Variants in NBAS observed in about 807,000 individuals in gnomAD.
NBAS encodes the protein NAG/BC035112 fusion.
In NBAS, 219 loss-of-function variants were observed where a neutral mutation model predicts 302.5. That is an observed-to-expected ratio of 0.72 (90% confidence interval 0.65 to 0.81). NBAS has a LOEUF of 0.81. Ranked by LOEUF, NBAS falls within the 30% of genes least tolerant of loss-of-function variation. The pLI is 0.00. For synonymous variants in NBAS, 1,118 were observed against 1,021.6 expected, an observed-to-expected ratio of 1.09 and a Z score of -1.80; for missense variants, 2,932 against 2,841.6, an observed-to-expected ratio of 1.03 and a Z score of -0.72.
At chr2:15,481,791 A>G (rs1333222827) in intron 12 of NBAS, among the ~76,000 whole-genome samples, 1 of 152,154 alleles carries the variant, frequency 6.6e-6, no homozygotes, top group Non-Finnish European at 1.5e-5. Flanking sequence ...TCCTGTCTCA[A>G]GCCCCTCCTT....
At chr2:14,785,867 T>C in the NBAS span, among the ~76,000 whole-genome samples, 2 of 152,210 alleles carry the variant, frequency 1.3e-5, no homozygotes, top group Non-Finnish European at 2.9e-5. Context: ...CCTCTTTTTC[T>C]ATTGATTGGA....
chr2:15,325,924 A>G (rs1216017618), intron 38 of NBAS, among the ~76,000 whole-genome samples: 1 of 152,142 alleles, frequency 6.6e-6, no homozygotes, highest in African/African-American at 2.4e-5. Flanking sequence ...TTTATAGGCC[A>G]TTATAGGGTT....
At chr2:14,847,509 C>CAAAAAA in the NBAS span, among the ~76,000 whole-genome samples, 1 of 118,606 alleles carries the variant, frequency 8.4e-6, no homozygotes. Flanking sequence ...ACATAGATTT[C>CAAAAAA]AAAAAAAAAA....
the NBAS span, among the ~76,000 whole-genome samples, chr2:15,067,741 A>T: frequency 6.6e-6 from 1 of 152,176 alleles, no homozygotes; most frequent in Non-Finnish European, 1.5e-5. Context: ...AAGTTTAGAG[A>T]TCTGCTGTCC....
At chr2:15,413,599 C>T (rs139104307) in intron 25 of NBAS, among the ~76,000 whole-genome samples, 205 of 152,280 alleles carry the variant, frequency 1.3e-3, no homozygotes, top group Non-Finnish European at 2.3e-3. Context: ...GTGAAACAGA[C>T]AGCGGAGGAG....
the NBAS span, among the ~76,000 whole-genome samples, chr2:14,794,107 G>C: frequency 1.3e-3 from 204 of 152,270 alleles, 1 homozygote; most frequent in African/African-American, 4.6e-3. Context: ...TAGTATATCA[G>C]GAAGGAAGCC....
chr2:15,335,110 G>A (rs1672519112), intron 35 of NBAS, among the ~76,000 whole-genome samples: 1 of 150,986 alleles, frequency 6.6e-6, no homozygotes, highest in Non-Finnish European at 1.5e-5. Flanking sequence ...GTCAAAGTGG[G>A]AGGACGGCTT....
the NBAS span, among the ~76,000 whole-genome samples, chr2:15,155,137 G>A: frequency 6.6e-6 from 1 of 152,212 alleles, no homozygotes; most frequent in African/African-American, 2.4e-5. Context: ...CTAAAGGATA[G>A]AGCAAGTCCT....
At chr2:15,053,196 G>A in the NBAS span, among the ~76,000 whole-genome samples, 4 of 152,136 alleles carry the variant, frequency 2.6e-5, no homozygotes, top group African/African-American at 9.7e-5. Context: ...AAGGTACATT[G>A]ATTTTAAAAT....
the NBAS span, among the ~76,000 whole-genome samples, chr2:14,888,768 A>G: frequency 2.6e-5 from 4 of 152,214 alleles, no homozygotes; most frequent in African/African-American, 9.6e-5. Flanking sequence ...TAAGTCAGAT[A>G]GATGCAGCTG....
At chr2:15,047,600 G>GCTGGGCCCATGCAGGTAAAA in the NBAS span, among the ~76,000 whole-genome samples, 1 of 151,706 alleles carries the variant, frequency 6.6e-6, no homozygotes, top group African/African-American at 2.4e-5. Flanking sequence ...GCAGGTAAAA[G>GCTGGGCCCATGCAGGTAAAA]CTGGACCCAT....
chr2:15,375,636 T>C (rs1381225061), intron 30 of NBAS, among the ~76,000 whole-genome samples: 1 of 152,212 alleles, frequency 6.6e-6, no homozygotes, highest in African/African-American at 2.4e-5. Flanking sequence ...AAATTGTAAA[T>C]GTACTTTTTT....
intron 9 of NBAS, among the ~76,000 whole-genome samples, chr2:15,514,792 T>C (rs1007350904): frequency 2.6e-5 from 4 of 152,158 alleles, no homozygotes; most frequent in African/African-American, 9.7e-5. Flanking sequence ...TAATCCAGAT[T>C]TTTTATGTCC....
At chr2:15,308,978 C>T (rs1465079902) in intron 39 of NBAS, among the ~76,000 whole-genome samples, 193 bp downstream of exon 39, 1 of 151,838 alleles carries the variant, frequency 6.6e-6, no homozygotes, top group African/African-American at 2.4e-5. Context: ...ATGTAACTAA[C>T]CTGCACATTG....
intron 11 of NBAS, among the ~76,000 whole-genome samples, chr2:15,490,481 T>A (rs1211983868): frequency 6.6e-6 from 1 of 152,096 alleles, no homozygotes; most frequent in African/African-American, 2.4e-5. Context: ...ATCTATCACA[T>A]CCCTTCCTCT....
the NBAS span, among the ~76,000 whole-genome samples, chr2:15,090,581 G>C: frequency 2.0e-5 from 3 of 152,116 alleles, no homozygotes; most frequent in Non-Finnish European, 4.4e-5. Context: ...ACTCCAAATA[G>C]AAAAGTAATT....
At chr2:15,097,639 G>C in the NBAS span, among the ~76,000 whole-genome samples, 5 of 151,636 alleles carry the variant, frequency 3.3e-5, no homozygotes, top group Non-Finnish European at 5.9e-5. Context: ...GTACAAAAGA[G>C]AGCAGGCGAG....
the NBAS span, among the ~76,000 whole-genome samples, chr2:14,916,151 C>T: frequency 6.6e-6 from 1 of 152,058 alleles, no homozygotes. Context: ...CAGATTATAT[C>T]AAGATGCTTT....
At chr2:15,306,207 TGA>T (rs1671027554) in intron 40 of NBAS, among the ~76,000 whole-genome samples, 1 of 152,150 alleles carries the variant, frequency 6.6e-6, no homozygotes, top group Middle Eastern at 3.2e-3. Flanking sequence ...AAGCCATACC[TGA>T]GATATAAAAA....
Sources: gnomAD v4.1 joint callset for allele counts (sites outside exome capture counted in the v4.1 genomes callset) on GRCh38, gnomAD v4.1.1 for gene constraint, MANE v1.5 for transcripts, NCBI Gene and HGNC (gene_info 2026-07-23, HGNC 2026-07-21) for gene names.